The following CRISPLD2 variants were observed in gnomAD, a reference collection of about 807,000 sequenced individuals.
CRISPLD2 encodes cysteine rich secretory protein LCCL domain containing 2, also known as cysteine-rich secretory protein LCCL domain-containing 2.
A neutral mutation model predicts 71.1 loss-of-function variants in CRISPLD2; 47 were observed. That is an observed-to-expected ratio of 0.66 (90% CI 0.52 to 0.84). The LOEUF is 0.84. CRISPLD2 is among the 40% of genes least tolerant of loss of function. CRISPLD2 has a pLI of 0.00. For synonymous variants in CRISPLD2, 317 were observed against 250.1 expected, an observed-to-expected ratio of 1.27 and a Z score of -2.52; for missense variants, 830 against 651.1, an observed-to-expected ratio of 1.27 and a Z score of -2.99.
At chr16:84,853,766 G>T (rs750923210) in intron 5 of CRISPLD2, among the ~76,000 whole-genome samples, 1 of 152,230 alleles carries the variant, frequency 6.6e-6, no homozygotes, top group Admixed American at 6.5e-5. Flanking sequence ...GTCAGGTGCC[G>T]GTCCAAGGGC....
At chr16:84,823,362 T>C (rs553154985) in intron 1 of CRISPLD2, among the ~76,000 whole-genome samples, 57 of 152,336 alleles carry the variant, frequency 3.7e-4, no homozygotes, top group African/African-American at 1.1e-3. Context: ...TTCATATCTC[T>C]TGAGTGTTTA....
Position 84,890,372 on chromosome 16 carries a change from A to C in CRISPLD2, c.1439+1009A>C, listed in dbSNP as rs1416664628. Among the ~76,000 whole-genome samples, 5 of 151,784 alleles carry C rather than the reference A, an allele frequency of 3.3e-5. No homozygotes were observed. The East Asian group carries it at 9.8e-4, about 30-fold the overall frequency. The stretch of plus-strand genomic sequence containing the variant: ...AGACTCCATCTCAAAAAAAAAAAGA[A>C]GTGGCAGTAAGAAGCACTCTGCAAA... On this transcript the variant is annotated intron_variant, in intron 14 of 14. Coordinates refer to ENST00000262424, the MANE Select transcript of CRISPLD2 (RefSeq NM_031476.4).
At chr16:84,871,528 G>C (rs1319154279) in intron 8 of CRISPLD2, among the ~76,000 whole-genome samples, 1 of 152,150 alleles carries the variant, frequency 6.6e-6, no homozygotes, top group Non-Finnish European at 1.5e-5. Context: ...GATGGAGTCA[G>C]ACTCTTTCTT....
chr16:84,823,057 G>A (rs1241033728), intron 1 of CRISPLD2, among the ~76,000 whole-genome samples: 1 of 152,108 alleles, frequency 6.6e-6, no homozygotes, highest in African/African-American at 2.4e-5. Flanking sequence ...TCTCCTTTCT[G>A]TCTCTACGAA....
At position 84,888,251 on chromosome 16, in the gene CRISPLD2, G is replaced by A. The variant is rs1350244873; in HGVS notation, c.1306-979G>A. Reference sequence around the variant, plus strand: ...TCTTCCATCTTCAAAACCAACAATTGGGCCGAGTGCAGTGGCTCATGCCTG... The same window carrying A: ...TCTTCCATCTTCAAAACCAACAATTAGGCCGAGTGCAGTGGCTCATGCCTG... On this transcript the variant is annotated intron_variant, in intron 13 of 14. Transcript: ENST00000262424. Among the ~76,000 whole-genome samples the A allele has an allele frequency of 2.0e-5, 3 of 152,026 alleles. No individual in the cohort carries two copies. The South Asian group carries it at 6.2e-4, about 31-fold the overall frequency.
At chr16:84,838,399 C>T (rs1916678895) in intron 1 of CRISPLD2, 23 bp from the exon 2 acceptor site, 4 of 1,480,694 alleles carry the variant, frequency 2.7e-6, no homozygotes, top group South Asian at 1.3e-5. Context: ...CGACTTCTCC[C>T]ACCACCCTCT....
intron 12 of CRISPLD2, among the ~76,000 whole-genome samples, chr16:84,879,948 A>G (rs1197481985): frequency 2.0e-5 from 3 of 152,096 alleles, no homozygotes; most frequent in Non-Finnish European, 2.9e-5. Flanking sequence ...CCCAGGGGTC[A>G]CCCATTTCCA....
intron 14 of CRISPLD2, 121 bp downstream of exon 14, chr16:84,889,484 A>G (rs2071642540): frequency 9.6e-7 from 1 of 1,043,990 alleles, no homozygotes; most frequent in Non-Finnish European, 1.3e-6. Context: ...ACTTGCACGA[A>G]TTCTTACCAG....
At chr16:84,902,139 C>T (rs535196082) in intron 14 of CRISPLD2, among the ~76,000 whole-genome samples, 5 of 152,090 alleles carry the variant, frequency 3.3e-5, no homozygotes, top group African/African-American at 7.2e-5. Context: ...GTCTACAAGG[C>T]GCCATGCTGC....
intron 14 of CRISPLD2, among the ~76,000 whole-genome samples, chr16:84,895,122 C>T (rs903900282): frequency 1.3e-5 from 2 of 152,194 alleles, no homozygotes; most frequent in African/African-American, 4.8e-5. Flanking sequence ...TAGCACATCT[C>T]ATTCCCCAAC....
At chr16:84,852,322 G>A (rs1917111816) in intron 5 of CRISPLD2, among the ~76,000 whole-genome samples, 1 of 140,770 alleles carries the variant, frequency 7.1e-6, no homozygotes, top group African/African-American at 2.5e-5. Flanking sequence ...AGATGGAGAT[G>A]GACAGTGTCT....
chr16:84,866,601 A>G (rs1378529590), intron 6 of CRISPLD2, among the ~76,000 whole-genome samples: 1 of 152,064 alleles, frequency 6.6e-6, no homozygotes, highest in African/African-American at 2.4e-5. Context: ...ATGGGACAAG[A>G]AACCATTATG....
chr16:84,870,658 C>G (rs939979913), intron 8 of CRISPLD2, among the ~76,000 whole-genome samples: 1 of 152,150 alleles, frequency 6.6e-6, no homozygotes, highest in African/African-American at 2.4e-5. Flanking sequence ...ATATTCTTCA[C>G]GCACTTCATG....
At chr16:84,845,481 C>T (rs1597454318) in intron 2 of CRISPLD2, among the ~76,000 whole-genome samples, 2 of 152,346 alleles carry the variant, frequency 1.3e-5, no homozygotes, top group African/African-American at 4.8e-5. Flanking sequence ...CACAGCGTGC[C>T]GTGTTACCCT....
intron 13 of CRISPLD2, among the ~76,000 whole-genome samples, chr16:84,887,315 G>A (rs1285008266): frequency 1.3e-5 from 2 of 152,288 alleles, no homozygotes; most frequent in East Asian, 1.9e-4. Context: ...AATATGGGGA[G>A]TCTGCCCCGT....
At chr16:84,825,159 A>G (rs1916320558) in intron 1 of CRISPLD2, among the ~76,000 whole-genome samples, 1 of 152,086 alleles carries the variant, frequency 6.6e-6, no homozygotes, top group African/African-American at 2.4e-5. Context: ...AAGGTGGGCA[A>G]AACTTGGGAA....
intron 1 of CRISPLD2, chr16:84,828,340 T>G (rs1043081275): frequency 6.6e-6 from 1 of 152,170 alleles, no homozygotes; most frequent in Non-Finnish European, 1.5e-5. Context: ...TCCTGGGTAG[T>G]CATAGCACCC....
chr16:84,822,209 G>C (rs1470752335), intron 1 of CRISPLD2, among the ~76,000 whole-genome samples: 2 of 152,260 alleles, frequency 1.3e-5, no homozygotes, highest in Admixed American at 1.3e-4. Context: ...ACCCAAATCA[G>C]TGCTGGTTCT....
intron 1 of CRISPLD2, among the ~76,000 whole-genome samples, chr16:84,822,469 T>C (rs761832790): frequency 1.3e-5 from 2 of 152,208 alleles, no homozygotes; most frequent in Non-Finnish European, 2.9e-5. Context: ...AACTTTTCTT[T>C]CCTCTGTCAC....
Sources: allele counts gnomAD v4.1 joint callset (sites outside exome capture counted in the v4.1 genomes callset), GRCh38; gene constraint gnomAD v4.1.1; transcripts MANE v1.5; gene names NCBI Gene and HGNC (gene_info 2026-07-23, HGNC 2026-07-21).